SEMA6D: variants seen among roughly 807,000 people sequenced by gnomAD.
SEMA6D encodes semaphorin 6D.
A neutral mutation model predicts 106.6 loss-of-function variants in SEMA6D; 35 were observed. The observed-to-expected ratio is 0.33, with a 90% CI of 0.25 to 0.44. The LOEUF is 0.44. Among genes scored for constraint, SEMA6D ranks in the 20% least tolerant of loss-of-function variants. The probability of loss-of-function intolerance (pLI) is 1.00; values close to 1 mark genes in which losing one functional copy is unlikely to be tolerated. For missense variants in SEMA6D, 1,185 were observed against 1,345.9 expected (o/e 0.88, Z 1.87); for synonymous variants, 499 against 487.7 (o/e 1.02, Z -0.31).
In SEMA6D at chr15:47,753,754, C is replaced by T. The variant is rs1416642130; in HGVS notation, c.-54-5991C>T. Among the ~76,000 whole-genome samples, 10 of 152,124 alleles carry T rather than the reference C, an allele frequency of 6.6e-5. No homozygotes were observed. In the East Asian group the frequency reaches 9.6e-4, roughly 15 times the overall value. ...AAAGAGAGGAGGAAGGGCAGGACTT[C>T]GACCAAAGACTTTTTGTAAGATCAT... On this transcript the variant is annotated intron_variant, in intron 1 of 18. Coordinates refer to ENST00000536845, the MANE Select transcript of SEMA6D (RefSeq NM_001358351.3).
intron 1 of SEMA6D, among the ~76,000 whole-genome samples, chr15:47,394,449 A>G (rs1389819341): frequency 1.3e-5 from 2 of 152,176 alleles, no homozygotes; most frequent in Non-Finnish European, 2.9e-5. Flanking sequence ...CTGGATTCGT[A>G]TCAAAAGAGA....
rs548122499 is a variant in SEMA6D, at chr15:47,425,135, G to T, written c.-159+12663G>T. Reference sequence around the variant, plus strand: ...CTTCCCTCAGAGGAATCATTGAAAAGTCTGTCATATTGTGGTGATGACTTT... The same window carrying T: ...CTTCCCTCAGAGGAATCATTGAAAATTCTGTCATATTGTGGTGATGACTTT... On this transcript the variant is annotated intron_variant, in intron 2 of 19. Coordinates refer to the SEMA6D transcript ENST00000558014. 2.6e-5 allele frequency among the ~76,000 whole-genome samples: 4 copies of T among 152,166 alleles called. 1 individual carries two copies. In the East Asian group the frequency reaches 7.8e-4, roughly 29 times the overall value.
intron 4 of SEMA6D, among the ~76,000 whole-genome samples, chr15:47,666,744 TC>T (rs1161644006): frequency 6.6e-6 from 1 of 152,210 alleles, no homozygotes; most frequent in Non-Finnish European, 1.5e-5. Flanking sequence ...ATTCTTTACA[TC>T]TAGGGAATGT....
chr15:47,259,476 T>C (rs79007380), intron 1 of SEMA6D, among the ~76,000 whole-genome samples: 1,763 of 152,120 alleles, frequency 0.012, 30 homozygotes, highest in Admixed American at 0.012. Context: ...TTTTTTTTTT[T>C]CCAGCACTTG....
chr15:47,273,273 A>C (rs1034032933), intron 1 of SEMA6D, among the ~76,000 whole-genome samples: 3 of 151,858 alleles, frequency 2.0e-5, no homozygotes, highest in Non-Finnish European at 4.4e-5. Context: ...GCACCACAGA[A>C]GTCTTTTGTA....
chr15:47,340,561 TA>T (rs942736655), intron 1 of SEMA6D, among the ~76,000 whole-genome samples: 2 of 152,072 alleles, frequency 1.3e-5, no homozygotes, highest in East Asian at 3.9e-4. Context: ...CATTCATAGT[TA>T]AAAAAAATCA....
intron 4 of SEMA6D, among the ~76,000 whole-genome samples, chr15:47,711,578 A>G (rs913585840): frequency 6.6e-6 from 1 of 152,164 alleles, no homozygotes; most frequent in African/African-American, 2.4e-5. Flanking sequence ...GACAACCCCT[A>G]TTATTAAAGC....
At chr15:47,600,308 C>T (rs12438247) in intron 3 of SEMA6D, among the ~76,000 whole-genome samples, 36,557 of 152,028 alleles carry the variant, frequency 0.24, 5,253 homozygotes, top group East Asian at 0.46. Context: ...TCTGAAACTT[C>T]CAACTCATTA....
intron 1 of SEMA6D, among the ~76,000 whole-genome samples, chr15:47,254,333 A>ATATATATATATT (rs1215972515): frequency 6.5e-5 from 9 of 139,014 alleles, no homozygotes; most frequent in African/African-American, 2.4e-4. Flanking sequence ...GTGTGTGTGT[A>ATATATATATATT]TATATATATA....
At chr15:47,611,889 T>A (rs916587172) in intron 4 of SEMA6D, among the ~76,000 whole-genome samples, 1 of 152,026 alleles carries the variant, frequency 6.6e-6, no homozygotes, top group Admixed American at 6.6e-5. Context: ...CAGTGCCCGA[T>A]GGAAAATACA....
intron 2 of SEMA6D, among the ~76,000 whole-genome samples, chr15:47,437,225 A>G (rs2041746457): frequency 6.6e-6 from 1 of 152,096 alleles, no homozygotes; most frequent in Non-Finnish European, 1.5e-5. Context: ...AAATTGTATT[A>G]TGTGCCCATT....
intron 1 of SEMA6D, chr15:47,274,254 T>A (rs2034698334): frequency 6.6e-6 from 1 of 152,104 alleles, no homozygotes; most frequent in East Asian, 1.9e-4. Context: ...CAAACTTCCA[T>A]CCTCACCCCC....
chr15:47,760,004 T>C (rs1265918692), intron 2 of SEMA6D, 97 bp downstream of exon 2: 2 of 929,398 alleles, frequency 2.2e-6, no homozygotes, highest in Non-Finnish European at 1.7e-6. Flanking sequence ...GCAGAGATTT[T>C]TTATGTCTTA....
At chr15:47,350,301 A>G (rs1402553038) in intron 1 of SEMA6D, among the ~76,000 whole-genome samples, 2 of 152,196 alleles carry the variant, frequency 1.3e-5, no homozygotes, top group African/African-American at 4.8e-5. Flanking sequence ...TGCATACATC[A>G]GCCTCATACC....
intron 3 of SEMA6D, among the ~76,000 whole-genome samples, chr15:47,476,807 T>G: frequency 6.6e-6 from 1 of 152,192 alleles, no homozygotes; most frequent in Non-Finnish European, 1.5e-5. Context: ...CTCTGGTCAG[T>G]TCATTTTCTT....
At chr15:47,333,029 A>T (rs2037404578) in intron 1 of SEMA6D, among the ~76,000 whole-genome samples, 3 of 152,220 alleles carry the variant, frequency 2.0e-5, no homozygotes, top group Admixed American at 6.5e-5. Context: ...TAAGATAATT[A>T]GATAATAGTA....
At chr15:47,246,849 C>T (rs2033235373) in intron 1 of SEMA6D, among the ~76,000 whole-genome samples, 1 of 152,152 alleles carries the variant, frequency 6.6e-6, no homozygotes, top group African/African-American at 2.4e-5. Flanking sequence ...CTATTGCAGT[C>T]TCCTCGTGAG....
chr15:47,516,709 C>A (rs965246806), intron 3 of SEMA6D, among the ~76,000 whole-genome samples: 1 of 152,068 alleles, frequency 6.6e-6, no homozygotes, highest in Non-Finnish European at 1.5e-5. Flanking sequence ...AGGTGCCTCA[C>A]TTCTTAGAAG....
intron 1 of SEMA6D, among the ~76,000 whole-genome samples, chr15:47,379,954 T>A (rs1032898846): frequency 2.0e-5 from 3 of 152,004 alleles, no homozygotes; most frequent in Non-Finnish European, 2.9e-5. Context: ...ACGGGGTTTC[T>A]CCATGTTGGT....
Sources: allele counts gnomAD v4.1 joint callset (sites outside exome capture counted in the v4.1 genomes callset), GRCh38; gene constraint gnomAD v4.1.1; transcripts MANE v1.5; gene names NCBI Gene and HGNC (gene_info 2026-07-23, HGNC 2026-07-21).